The following PPFIA3 variants were observed in gnomAD, a reference collection of about 807,000 sequenced individuals.
PPFIA3 encodes the protein liprin-alpha-3.
Under a neutral mutation model 145.8 loss-of-function variants are expected in PPFIA3, and 26 were observed. That is an observed-to-expected ratio of 0.18 (90% CI 0.13 to 0.25). PPFIA3 has a LOEUF of 0.25. PPFIA3 is among the 10% of genes least tolerant of loss of function. PPFIA3 has a pLI of 1.00. For missense variants in PPFIA3, 1,008 were observed against 1,587.8 expected, an observed-to-expected ratio of 0.63 and a Z score of 6.21; for synonymous variants, 645 against 661.4, an observed-to-expected ratio of 0.98 and a Z score of 0.38.
chr19:49,135,163 T>C (rs1485848599), intron 13 of PPFIA3, among the ~76,000 whole-genome samples: 1 of 152,074 alleles, frequency 6.6e-6, no homozygotes, highest in Non-Finnish European at 1.5e-5. Flanking sequence ...TGCCTCAGCC[T>C]CCCAAGTAGC....
chr19:49,150,203 T>A, intron 29 of PPFIA3, 33 bp from the exon 30 acceptor site: 1 of 1,461,822 alleles, frequency 6.8e-7, no homozygotes, highest in Non-Finnish European at 9.4e-7. Flanking sequence ...CGGTGGATCT[T>A]CACTGCTCCA....
chr19:49,131,391 G>T (rs2041070784), intron 7 of PPFIA3, among the ~76,000 whole-genome samples: 1 of 146,060 alleles, frequency 6.8e-6, no homozygotes, highest in African/African-American at 2.5e-5. Flanking sequence ...CACTATATTG[G>T]CCAGGCTGGT....
Position 49,133,011 on chromosome 19 carries a change from A to G in PPFIA3, c.890A>G (p.Gln297Arg). The change falls in exon 8 of 30, where the codon CAG becomes CGG. Residue 297 changes from glutamine (Q) to arginine (R), a missense_variant. Physicochemically the swap from Gln to Arg is conservative, Grantham distance 43. Transcript: ENST00000334186. The surrounding 1 kb of genome is among the most constrained non-coding windows in gnomAD (Gnocchi z 7.2). ...LQRDLKEALA[Q>R]REDMEERITT... ...TTGCTACCTCCGCAGGCGCTGGCGC[A>G]GCGGGAAGATATGGAGGAGCGGATT... 1 of 1,611,788 alleles carries G rather than the reference A, an allele frequency of 6.2e-7. No homozygotes were observed. The highest frequency in any genetic ancestry group is 8.5e-7 in the Non-Finnish European group (1 of 1,179,630).
chr19:49,139,569 G>C (rs898904596), intron 16 of PPFIA3, 99 bp from the exon 17 acceptor site: 72 of 1,305,538 alleles, frequency 5.5e-5, no homozygotes, highest in Non-Finnish European at 7.2e-5. Context: ...TTCTAAACCA[G>C]GGTCACCCCA....
At chr19:49,131,335 ATTTTTTTTTTT>A (rs10553520) in intron 7 of PPFIA3, among the ~76,000 whole-genome samples, 1 of 108,444 alleles carries the variant, frequency 9.2e-6, no homozygotes, top group Admixed American at 9.9e-5. Flanking sequence ...CACCTGGCTA[ATTTTTTTTTTT>A]TTTTTTTTTT....
At chr19:49,135,006 CT>C (rs990213146) in intron 13 of PPFIA3, 91 bp downstream of exon 13, 5 of 1,091,296 alleles carry the variant, frequency 4.6e-6, no homozygotes, top group African/African-American at 1.6e-5. Flanking sequence ...TCCTGTCCTC[CT>C]GAGACTTCTG....
chr19:49,128,026 C>T lies in PPFIA3; in HGVS notation c.153C>T (p.Asp51=). 1 of 1,596,370 alleles carries T rather than the reference C, an allele frequency of 6.3e-7. No homozygotes were observed. The highest frequency in any genetic ancestry group is 1.3e-5 in the African/African-American group (1 of 74,926). ...RLLETLREAQ[D]GLATAQLRLR... Reference sequence around the variant, plus strand: ...TGGAGACGCTGCGCGAGGCACAGGACGGGTTGGCTACAGCGCAGCTGCGGC... The same window carrying T: ...TGGAGACGCTGCGCGAGGCACAGGATGGGTTGGCTACAGCGCAGCTGCGGC... The change falls in exon 2 of 30, where the codon GAC becomes GAT. Residue 51 remains aspartate (D), a synonymous_variant. Transcript: ENST00000334186. This position sits in a 1 kb window ranked among gnomAD's most constrained non-coding sequence, Gnocchi z 4.1.
intron 11 of PPFIA3, among the ~76,000 whole-genome samples, 190 bp from the exon 12 acceptor site, chr19:49,134,449 A>C (rs545445159): frequency 1.3e-5 from 2 of 152,160 alleles, no homozygotes; most frequent in East Asian, 3.9e-4. Context: ...GAGATTGCAC[A>C]GGACGTCGCA....
At chr19:49,139,110 A>T (rs1400234082) in intron 16 of PPFIA3, among the ~76,000 whole-genome samples, 1 of 151,952 alleles carries the variant, frequency 6.6e-6, no homozygotes, top group African/African-American at 2.4e-5. Flanking sequence ...CAGAACCTGT[A>T]ACTCATTAGC....
rs762895281 is a variant in PPFIA3 at position 49,126,560 on chromosome 19, C to CTT, written c.-15-1280_-15-1279dup. 2.9e-3 allele frequency among the ~76,000 whole-genome samples: 348 copies of CTT among 118,764 alleles called. 2 individuals carry two copies. The highest frequency in any genetic ancestry group is 5.8e-3 in the African/African-American group (177 of 30,408). The allele number at this position is 118,764 out of a possible 152,430, so 77.9% of individuals were successfully genotyped here. ...GCCACTGCGCCCAGTCCTGGCCTTG[C>CTT]TTTTTTTTTTTTTTTTTTTTCTTTT... On this transcript the variant is annotated intron_variant, in intron 1 of 29. Transcript: ENST00000334186.
Position 49,129,981 on chromosome 19 carries a change from T to C in PPFIA3, c.583-12T>C, listed in dbSNP as rs781593689. The C allele has an allele frequency of 1.4e-5, 22 of 1,613,186 alleles. No homozygotes were observed. In the East Asian group the frequency reaches 4.9e-4, roughly 36 times the overall value. ...GAGCCCCTGTGCTCTGATTCCCCTT[T>C]CACACTTCCAGACTCTGAACCTTCG... On this transcript the variant is annotated splice_polypyrimidine_tract_variant and intron_variant, in intron 5 of 29. Coordinates refer to ENST00000334186, the MANE Select transcript of PPFIA3 (RefSeq NM_003660.4).
At position 49,120,688 on chromosome 19, in the gene PPFIA3, G is replaced by A. The variant is rs2122504176; in HGVS notation, c.-16+966G>A. ...AGGCGCCATGACTCCTTTCCTTTGG[G>A]GGACCCGGAATGTGATTCTCAATGC... On this transcript the variant is annotated intron_variant, in intron 1 of 29. Transcript: ENST00000334186. This position sits in a 1 kb window ranked among gnomAD's most constrained non-coding sequence, Gnocchi z 4.6. 6.6e-6 allele frequency among the ~76,000 whole-genome samples: 1 copy of A among 152,228 alleles called. No individual in the cohort carries two copies. The highest frequency in any genetic ancestry group is 2.4e-5 in the African/African-American group (1 of 41,542).
At chr19:49,146,126 A>T in intron 22 of PPFIA3, 40 bp from the exon 23 acceptor site, 5 of 1,613,508 alleles carry the variant, frequency 3.1e-6, no homozygotes. Flanking sequence ...CCTGCCCCTT[A>T]ACTCACCCCT....
chr19:49,135,533 C>T (rs1455024437), intron 13 of PPFIA3, among the ~76,000 whole-genome samples: 1 of 152,152 alleles, frequency 6.6e-6, no homozygotes, highest in Non-Finnish European at 1.5e-5. Context: ...CCACCACATC[C>T]AGCTAATTTT....
chr19:49,122,184 G>A (rs1373509777), intron 1 of PPFIA3, among the ~76,000 whole-genome samples: 3 of 150,886 alleles, frequency 2.0e-5, no homozygotes, highest in Non-Finnish European at 2.9e-5. Flanking sequence ...GCGTTCAAGC[G>A]ATTCTCCTGC....
At position 49,128,758 on chromosome 19, in the gene PPFIA3, C is replaced by A; in HGVS notation, c.343-90C>A. On this transcript the variant is annotated intron_variant, in intron 3 of 29. Coordinates refer to ENST00000334186, the MANE Select transcript of PPFIA3 (RefSeq NM_003660.4). The surrounding 1 kb of genome is among the most constrained non-coding windows in gnomAD (Gnocchi z 4.1). ...CCTTTATATGGCTCCATCTTTTCCT[C>A]CATGTGTCCGCCCTACCTGTCACCC... is the stretch of plus-strand genomic sequence containing the variant. 1 of 1,271,294 alleles carries A rather than the reference C, an allele frequency of 7.9e-7. No individual in the cohort carries two copies. 78.8% of individuals were successfully genotyped at this position (1,271,294 alleles called of 1,614,324 possible). A position where few individuals can be genotyped will look rare whatever the true frequency, so the allele number is the denominator to read the frequency against.
Position 49,130,324 on chromosome 19 carries a change from C to T in PPFIA3, c.658-54C>T. Reference sequence around the variant, plus strand: ...CTGATTGACTTTCTCCTTGGATTTCCTCTGTGTCTCCGGAGACACTCTGGG... The same window carrying T: ...CTGATTGACTTTCTCCTTGGATTTCTTCTGTGTCTCCGGAGACACTCTGGG... On this transcript the variant is annotated intron_variant, in intron 6 of 29. Coordinates refer to ENST00000334186, the MANE Select transcript of PPFIA3 (RefSeq NM_003660.4). The surrounding 1 kb of genome is among the most constrained non-coding windows in gnomAD (Gnocchi z 4.5). 6.8e-7 allele frequency: 1 copy of T among 1,471,850 alleles called. No individual in the cohort carries two copies. The highest frequency in any genetic ancestry group is 1.4e-5 in the African/African-American group (1 of 71,840). 91.2% of individuals were successfully genotyped at this position (1,471,850 alleles called of 1,614,324 possible). A position where few individuals can be genotyped will look rare whatever the true frequency, so the allele number is the denominator to read the frequency against.
In PPFIA3 at chr19:49,141,767, A is replaced by T. The variant is rs10416831; in HGVS notation, c.2462+254A>T. Among the ~76,000 whole-genome samples the T allele has an allele frequency of 0.51, 77,219 of 150,474 alleles. 20,470 individuals are homozygous for T. The highest frequency in any genetic ancestry group is 0.66 in the African/African-American group (26,985 of 40,994). On this transcript the variant is annotated intron_variant, in intron 19 of 29. Coordinates refer to ENST00000334186, the MANE Select transcript of PPFIA3 (RefSeq NM_003660.4). ...TTATTTTTTCTTTCTTTTTTTAAAA[A>T]TTTTTTTTGTATTTTTTACATTTAT...
rs1290456260 is a variant in PPFIA3 at position 49,148,984 on chromosome 19, C to G, written c.3110-9C>G. On this transcript the variant is annotated splice_polypyrimidine_tract_variant and intron_variant, in intron 25 of 29. Transcript: ENST00000334186. ...GAGGGGCACGGCTGAGGGTCCCTTC[C>G]GTCCCCAGACGTGATGGTGTGGTCC... is the stretch of plus-strand genomic sequence containing the variant. 1 of 1,612,434 alleles carries G rather than the reference C, an allele frequency of 6.2e-7. No homozygotes were observed. Among genetic ancestry groups the G allele is most frequent in the Admixed American group, 1.7e-5 (1 of 59,956 alleles).
Sources: allele counts gnomAD v4.1 joint callset (sites outside exome capture counted in the v4.1 genomes callset), GRCh38; gene constraint gnomAD v4.1.1; non-coding constraint Gnocchi (gnomAD v3.1); transcripts MANE v1.5; gene names NCBI Gene and HGNC (gene_info 2026-07-23, HGNC 2026-07-21).